Variants in ZNF75D observed in about 807,000 individuals in gnomAD.
The protein encoded by ZNF75D is zinc finger protein 75.
ZNF75D carries 33 observed loss-of-function variants against 33.3 expected under a neutral mutation model. That is an observed-to-expected ratio of 0.99 (90% confidence interval 0.75 to 1.32). The LOEUF (loss-of-function observed/expected upper bound fraction) is 1.32, where lower values mean the gene tolerates loss of function less well. ZNF75D is among the 40% of genes most tolerant of loss of function. The probability of loss-of-function intolerance (pLI) is 0.00; values close to 1 mark genes in which losing one functional copy is unlikely to be tolerated. For synonymous variants in ZNF75D, 113 were observed against 130.6 expected (o/e 0.87, Z 0.92); for missense variants, 338 against 367.5 (o/e 0.92, Z 0.66).
chrX:135,282,665 G>A (rs1289376085), downstream of ZNF75D, among the ~76,000 whole-genome samples: 2 of 111,656 alleles, frequency 1.8e-5, no homozygotes, highest in Non-Finnish European at 3.8e-5. Flanking sequence ...AATACCATGG[G>A]AAAAGTGTAG....
intron 1 of ZNF75D, chrX:135,330,604 G>A (rs1225515979): frequency 1.8e-5 from 2 of 112,346 alleles, no homozygotes; most frequent in Non-Finnish European, 3.8e-5. Context: ...ATGCTGACAC[G>A]AGCAATGCCA....
At chrX:135,257,959 G>C (rs782700334) in intron 1 of ZNF75D, among the ~76,000 whole-genome samples, 102 of 106,738 alleles carry the variant, frequency 9.6e-4, no homozygotes, top group African/African-American at 3.2e-3. Flanking sequence ...TATTCCTCCC[G>C]GAGCCCCCCC....
At chrX:135,291,675 G>A in intron 4 of ZNF75D, 112 bp from the exon 5 acceptor site, 1 of 1,058,804 alleles carries the variant, frequency 9.4e-7, no homozygotes, top group East Asian at 3.4e-5. Flanking sequence ...GGGTCACATT[G>A]ACAAGTGTGT....
At chrX:135,297,940 C>T (rs2084158256) in intron 1 of ZNF75D, among the ~76,000 whole-genome samples, 1 of 111,511 alleles carries the variant, frequency 9.0e-6, no homozygotes, top group Non-Finnish European at 1.9e-5. Context: ...CTTCACAAGG[C>T]CTTTTCATTG....
chrX:135,283,064 C>A (rs1404792067), downstream of ZNF75D, among the ~76,000 whole-genome samples: 1 of 112,266 alleles, frequency 8.9e-6, no homozygotes, highest in African/African-American at 3.2e-5. Context: ...CTCCTCCCTA[C>A]TTCCTCCCTA....
Position 135,311,530 on chromosome X carries a change from TATC to T in ZNF75D, c.-390-15494_-390-15492del, listed in dbSNP as rs201961339. Among the ~76,000 whole-genome samples the T allele has an allele frequency of 6.6e-3, 749 of 112,862 alleles. 8 individuals carry two copies. The highest frequency in any genetic ancestry group is 0.022 in the African/African-American group (671 of 31,091). On this transcript the variant is annotated intron_variant, in intron 1 of 6. Coordinates refer to ENST00000370766, the MANE Select transcript of ZNF75D (RefSeq NM_007131.5). ...TATGCTTATCATTACATTATATGCT[TATC>T]ATTTTTTTGTGTATGGTGAGAACAC...
intron 1 of ZNF75D, among the ~76,000 whole-genome samples, chrX:135,323,662 T>C (rs907897901): frequency 8.9e-6 from 1 of 112,064 alleles, no homozygotes; most frequent in African/African-American, 3.2e-5. Context: ...TGGAATTCAA[T>C]GTAATCTGAG....
chrX:135,319,331 T>G (rs1465657558), intron 1 of ZNF75D, among the ~76,000 whole-genome samples: 4 of 112,551 alleles, frequency 3.6e-5, no homozygotes, highest in African/African-American at 1.3e-4. Context: ...ATTATTTTGT[T>G]GTAGAAGTTC....
At chrX:135,272,593 T>G (rs1012025927) in intron 1 of ZNF75D, among the ~76,000 whole-genome samples, 3 of 110,301 alleles carry the variant, frequency 2.7e-5, no homozygotes, top group East Asian at 2.9e-4. Flanking sequence ...CAAGTGTAAA[T>G]TAGATTTACT....
chrX:135,288,617 T>C (rs1281448966), intron 6 of ZNF75D, among the ~76,000 whole-genome samples: 1 of 112,682 alleles, frequency 8.9e-6, no homozygotes, highest in Non-Finnish European at 1.9e-5. Flanking sequence ...AGTATCGAGA[T>C]GTTCAAAGGA....
downstream of ZNF75D, among the ~76,000 whole-genome samples, chrX:135,283,611 T>TGAA (rs1556418891): frequency 5.5e-3 from 621 of 112,072 alleles, 3 homozygotes; most frequent in African/African-American, 0.019. Flanking sequence ...TGCCCATTCC[T>TGAA]CTGGGAATAG....
At chrX:135,299,128 A>T (rs782161862) in intron 1 of ZNF75D, among the ~76,000 whole-genome samples, 2 of 112,079 alleles carry the variant, frequency 1.8e-5, no homozygotes, top group Non-Finnish European at 3.8e-5. Flanking sequence ...ATATATTTTT[A>T]TTTATTTTAC....
intron 6 of ZNF75D, among the ~76,000 whole-genome samples, chrX:135,290,467 T>C (rs1224275167): frequency 8.9e-6 from 1 of 112,453 alleles, no homozygotes; most frequent in Admixed American, 9.4e-5. Context: ...TTATCTTTCT[T>C]AGGATTACGC....
chrX:135,252,143 C>T (rs1323625886), intron 2 of ZNF75D: 2 of 94,206 alleles, frequency 2.1e-5, no homozygotes, highest in Non-Finnish European at 4.2e-5. Flanking sequence ...TCCTTTTGTG[C>T]CATTAACTAA....
intron 4 of ZNF75D, 96 bp from the exon 5 acceptor site, chrX:135,291,659 A>T: frequency 9.0e-7 from 1 of 1,115,466 alleles, no homozygotes; most frequent in Non-Finnish European, 1.2e-6. Context: ...TGCCTTCAGT[A>T]AAGATGGGTC....
chrX:135,312,299 C>T (rs1396831542), intron 1 of ZNF75D, among the ~76,000 whole-genome samples: 1 of 111,483 alleles, frequency 9.0e-6, no homozygotes, highest in Non-Finnish European at 1.9e-5. Flanking sequence ...ACCTCCAATT[C>T]CATCCATGTT....
intron 1 of ZNF75D, among the ~76,000 whole-genome samples, chrX:135,322,225 G>A (rs1453552977): frequency 2.7e-5 from 3 of 111,853 alleles, no homozygotes; most frequent in East Asian, 2.8e-4. Context: ...ACGGACCCCC[G>A]CAGCTGCCAA....
intron 1 of ZNF75D, among the ~76,000 whole-genome samples, chrX:135,296,765 AAAT>A (rs1466891650): frequency 8.9e-6 from 1 of 112,292 alleles, no homozygotes; most frequent in African/African-American, 3.2e-5. Context: ...TTTGACATAT[AAAT>A]AATTTGAAAT....
intron 1 of ZNF75D, among the ~76,000 whole-genome samples, chrX:135,330,203 T>C (rs1243492061): frequency 8.9e-6 from 1 of 111,896 alleles, no homozygotes; most frequent in Non-Finnish European, 1.9e-5. Flanking sequence ...AATCAGATCA[T>C]GGCCCAAAGC....
Sources: allele counts gnomAD v4.1 joint callset (sites outside exome capture counted in the v4.1 genomes callset), GRCh38; gene constraint gnomAD v4.1.1; transcripts MANE v1.5; gene names NCBI Gene and HGNC (gene_info 2026-07-23, HGNC 2026-07-21).